GLYATL1: variants seen among roughly 807,000 people sequenced by gnomAD.
The protein encoded by GLYATL1 is glycine-N-acyltransferase like 1.
Under a neutral mutation model 20.0 loss-of-function variants are expected in GLYATL1, and 15 were observed. The observed-to-expected ratio is 0.75, with a 90% CI of 0.50 to 1.15. The LOEUF is 1.15. GLYATL1 is among the 50% of genes most tolerant of loss of function. The probability of loss-of-function intolerance (pLI) is 0.00; values close to 1 mark genes in which losing one functional copy is unlikely to be tolerated. For synonymous variants in GLYATL1, 151 were observed against 131.5 expected, an observed-to-expected ratio of 1.15 and a Z score of -1.01; for missense variants, 380 against 368.5, an observed-to-expected ratio of 1.03 and a Z score of -0.26.
At chr11:58,933,465 A>C (rs145717465) in intron 1 of GLYATL1, among the ~76,000 whole-genome samples, 9 of 152,286 alleles carry the variant, frequency 5.9e-5, no homozygotes, top group Non-Finnish European at 1.3e-4. Flanking sequence ...CAGGCTTCAC[A>C]ATGATTTCCT....
At chr11:58,921,352 A>G (rs547060813) in intron 1 of GLYATL1, among the ~76,000 whole-genome samples, 28 of 152,244 alleles carry the variant, frequency 1.8e-4, no homozygotes, top group African/African-American at 6.5e-4. Flanking sequence ...AAGGTCCATC[A>G]GCTGGCCTTC....
At chr11:58,950,451 A>G (rs1204973240) in intron 4 of GLYATL1, among the ~76,000 whole-genome samples, 2 of 152,224 alleles carry the variant, frequency 1.3e-5, no homozygotes, top group East Asian at 1.9e-4. Context: ...GAGTCAATGC[A>G]ATGCTATTTA....
At chr11:58,945,047 G>GTA (rs35054821) in intron 2 of GLYATL1, among the ~76,000 whole-genome samples, 136,650 of 144,500 alleles carry the variant, frequency 0.95, 64,837 homozygotes, top group South Asian at 0.99. Flanking sequence ...ATATATAGGG[G>GTA]TATATATATA....
intron 1 of GLYATL1, among the ~76,000 whole-genome samples, chr11:58,914,347 T>C (rs1855118001): frequency 6.6e-6 from 1 of 152,186 alleles, no homozygotes; most frequent in Non-Finnish European, 1.5e-5. Flanking sequence ...GCCAAGTGAG[T>C]TTCCCAGACA....
In GLYATL1 at chr11:58,914,559, C is replaced by T. The variant is rs369111874; in HGVS notation, n.264+8898C>T. 3.3e-5 allele frequency among the ~76,000 whole-genome samples: 5 copies of T among 152,056 alleles called. No individual in the cohort carries two copies. In the South Asian group the frequency reaches 8.3e-4, roughly 25 times the overall value. On this transcript the variant is annotated intron_variant and non_coding_transcript_variant, in intron 1 of 2. Coordinates refer to the GLYATL1 transcript ENST00000534674. ...TGAGATATCATGTTAGTACTTACAT[C>T]GCATGATCAAAAAATGGTAGACAAA...
upstream of GLYATL1, among the ~76,000 whole-genome samples, chr11:58,922,897 A>G (rs574326588): frequency 1.3e-5 from 2 of 152,312 alleles, no homozygotes; most frequent in Admixed American, 1.3e-4. Flanking sequence ...TACATGGCCA[A>G]TTGTTTCCCT....
In GLYATL1 at chr11:58,956,031, A is replaced by C. The variant is rs771850079; in HGVS notation, c.*4A>C. 4 of 1,606,290 alleles carry C rather than the reference A, an allele frequency of 2.5e-6. No individual in the cohort carries two copies. Among genetic ancestry groups the C allele is most frequent in the Non-Finnish European group, 3.4e-6 (4 of 1,173,972 alleles). On this transcript the variant is annotated 3_prime_UTR_variant, in exon 7 of 7. Transcript: ENST00000532726. ...ACAGAATCTAGTTCCATTTTAGACA[A>C]TGAAGCTGCTTAGTAATCTCTGCCA...
chr11:58,943,639 G>C lies in GLYATL1; in HGVS notation c.-70G>C, dbSNP rs1856343290. 1 of 1,613,612 alleles carries C rather than the reference G, an allele frequency of 6.2e-7. No homozygotes were observed. Among genetic ancestry groups the C allele is most frequent in the South Asian group, 1.1e-5 (1 of 91,060 alleles). On this transcript the variant is annotated 5_prime_UTR_variant, in exon 2 of 7. Transcript: ENST00000532726. ...CCTGCAGGATCCAATTGTGTCCATTGATCTCTCAGAGTGGCTGAGGATAAT... is the reference window on the plus strand; with the variant it reads ...CCTGCAGGATCCAATTGTGTCCATTCATCTCTCAGAGTGGCTGAGGATAAT...
chr11:58,924,062 C>T (rs1364352352), upstream of GLYATL1, among the ~76,000 whole-genome samples: 1 of 152,204 alleles, frequency 6.6e-6, no homozygotes, highest in Admixed American at 6.5e-5. Context: ...GACACTGATA[C>T]TCTGTTTTGC....
chr11:58,908,125 A>G (rs4939243), exon 2 of GLYATL1: 112,886 of 152,108 alleles, frequency 0.74, 44,266 homozygotes, highest in Non-Finnish European at 0.88. Context: ...TCATCCTAGT[A>G]CTCTGCCATA....
At chr11:58,949,411 T>C (rs1856811283) in intron 4 of GLYATL1, among the ~76,000 whole-genome samples, 2 of 152,226 alleles carry the variant, frequency 1.3e-5, no homozygotes, top group Admixed American at 6.5e-5. Flanking sequence ...ATCTCCTGGC[T>C]TCCTGACAAT....
intron 1 of GLYATL1, among the ~76,000 whole-genome samples, chr11:58,919,810 G>A (rs7946085): frequency 0.041 from 6,260 of 152,230 alleles, 408 homozygotes; most frequent in African/African-American, 0.14. Context: ...AATGGCTCAG[G>A]TAATGGCAGT....
chr11:58,917,769 T>C (rs1430553403), intron 1 of GLYATL1, among the ~76,000 whole-genome samples: 1 of 152,184 alleles, frequency 6.6e-6, no homozygotes, highest in Non-Finnish European at 1.5e-5. Context: ...ACTCATATCA[T>C]GGGGGAAAGG....
In GLYATL1 at chr11:58,954,769, G is replaced by A; in HGVS notation, c.187-1G>A. 6.2e-7 allele frequency: 1 copy of A among 1,602,082 alleles called. No homozygotes were observed. Among genetic ancestry groups the A allele is most frequent in the Non-Finnish European group, 8.5e-7 (1 of 1,175,972 alleles). ...ACCTGATCTTATATCATCCAATACA[G>A]GAGATGACTGATGACATGGATTCAT... is the stretch of plus-strand genomic sequence containing the variant. On this transcript the variant is annotated splice_acceptor_variant, in intron 4 of 6. Transcript: ENST00000532726. LOFTEE classifies it high-confidence loss of function.
upstream of GLYATL1, among the ~76,000 whole-genome samples, chr11:58,927,418 G>A (rs1855453023): frequency 6.6e-6 from 1 of 152,184 alleles, no homozygotes; most frequent in Non-Finnish European, 1.5e-5. Flanking sequence ...GTGCGTCCTG[G>A]GGCTTTGGCT....
At chr11:58,917,594 T>C (rs943697686) in intron 1 of GLYATL1, among the ~76,000 whole-genome samples, 1 of 152,234 alleles carries the variant, frequency 6.6e-6, no homozygotes, top group African/African-American at 2.4e-5. Flanking sequence ...CTTGCTCTAG[T>C]GCTTTGCATG....
rs1856622003 is a variant in GLYATL1 at position 58,947,114 on chromosome 11, G to A, written c.27G>A (p.Lys9=). The change falls in exon 3 of 7, where the codon AAG becomes AAA. Residue 9 remains lysine, a synonymous_variant. Transcript: ENST00000532726. MILLNNSH[K]LLALYKSLAR... Reference sequence around the variant, plus strand: ...TGATCCTACTGAATAACTCCCATAAGCTGCTGGCCCTATACAAATCCTTGG... The same window carrying A: ...TGATCCTACTGAATAACTCCCATAAACTGCTGGCCCTATACAAATCCTTGG... 6.2e-7 allele frequency: 1 copy of A among 1,613,914 alleles called. No individual in the cohort carries two copies. Among genetic ancestry groups the A allele is most frequent in the Non-Finnish European group, 8.5e-7 (1 of 1,179,904 alleles).
At chr11:58,919,431 T>C (rs1342050576) in intron 1 of GLYATL1, among the ~76,000 whole-genome samples, 1 of 152,248 alleles carries the variant, frequency 6.6e-6, no homozygotes, top group Admixed American at 6.5e-5. Context: ...TTGAGCTCTG[T>C]GGCCGGTAGG....
At chr11:58,938,501 T>C (rs981806178), upstream of GLYATL1, among the ~76,000 whole-genome samples, 61 of 152,202 alleles carry the variant, frequency 4.0e-4, no homozygotes, top group African/African-American at 1.4e-3. Flanking sequence ...CATGTTCATG[T>C]CAGAATCCAA....
Sources: allele counts gnomAD v4.1 joint callset (sites outside exome capture counted in the v4.1 genomes callset), GRCh38; gene constraint gnomAD v4.1.1; transcripts MANE v1.5; gene names NCBI Gene and HGNC (gene_info 2026-07-23, HGNC 2026-07-21).